The following PLEKHM3 variants were observed in gnomAD, a reference collection of about 807,000 sequenced individuals.
The protein encoded by PLEKHM3 is pleckstrin homology domain-containing family M member 3.
A neutral mutation model predicts 81.8 loss-of-function variants in PLEKHM3; 45 were observed. That is an observed-to-expected ratio of 0.55 (90% CI 0.43 to 0.71). The LOEUF is 0.71. Ranked by LOEUF, PLEKHM3 falls within the 30% of genes least tolerant of loss-of-function variation. The pLI, the probability that PLEKHM3 is intolerant of heterozygous loss-of-function variation, is 0.00. For missense variants in PLEKHM3, 788 were observed against 924.3 expected (o/e 0.85, Z 1.91); for synonymous variants, 352 against 356.4 (o/e 0.99, Z 0.14).
chr2:207,834,512 A>C (rs1575264522), intron 7 of PLEKHM3, among the ~76,000 whole-genome samples: 2 of 140,498 alleles, frequency 1.4e-5, no homozygotes, highest in Admixed American at 7.4e-5. Flanking sequence ...CGCAACCTCC[A>C]CCTCCTGGGT....
chr2:207,896,541 C>CA (rs1688229316), intron 6 of PLEKHM3, among the ~76,000 whole-genome samples: 1 of 152,192 alleles, frequency 6.6e-6, no homozygotes, highest in Non-Finnish European at 1.5e-5. Context: ...CTGACTAAGA[C>CA]TTAATGGAAC....
rs1426301131 is a variant in PLEKHM3 at position 207,822,622 on chromosome 2, C to CCGA, written c.*5694_*5696dup. ...ACCATTCTACTTTAACGACGTGTTT[C>CCGA]CGACATGATTCCCTTTACTCCTGAG... On this transcript the variant is annotated 3_prime_UTR_variant, in exon 8 of 8. Coordinates refer to ENST00000427836, the MANE Select transcript of PLEKHM3 (RefSeq NM_001080475.3). 2 of 152,734 alleles carry CCGA rather than the reference C, an allele frequency of 1.3e-5. No homozygotes were observed. The highest frequency in any genetic ancestry group is 2.4e-5 in the African/African-American group (1 of 41,458). 9.5% of individuals were successfully genotyped at this position (152,734 alleles called of 1,614,324 possible).
intron 3 of PLEKHM3, among the ~76,000 whole-genome samples, chr2:207,961,841 C>G (rs987118472): frequency 5.3e-5 from 8 of 152,188 alleles, no homozygotes; most frequent in African/African-American, 1.9e-4. Flanking sequence ...AAGTAGCTGA[C>G]TGGAAATGAG....
chr2:207,831,783 C>T (rs557433816), intron 7 of PLEKHM3, among the ~76,000 whole-genome samples: 2 of 152,328 alleles, frequency 1.3e-5, no homozygotes, highest in East Asian at 3.9e-4. Flanking sequence ...TCTTCTAGAG[C>T]CTCTCTCATC....
chr2:207,859,053 T>C (rs2092452265), intron 7 of PLEKHM3, among the ~76,000 whole-genome samples: 2 of 152,064 alleles, frequency 1.3e-5, no homozygotes, highest in African/African-American at 4.8e-5. Flanking sequence ...ATGTAATATG[T>C]GCTTTGTGTC....
At chr2:208,024,724 G>A (rs1693263553) in intron 1 of PLEKHM3, among the ~76,000 whole-genome samples, 1 of 152,194 alleles carries the variant, frequency 6.6e-6, no homozygotes, top group Non-Finnish European at 1.5e-5. Context: ...GAAAAAAGAA[G>A]AGAGAAATAA....
chr2:207,960,378 G>A (rs1295542686), intron 3 of PLEKHM3, among the ~76,000 whole-genome samples: 6 of 152,166 alleles, frequency 3.9e-5, no homozygotes, highest in Admixed American at 3.9e-4. Context: ...TGTGATAAGA[G>A]GACATCACAG....
chr2:207,856,370 A>C (rs998541082), intron 7 of PLEKHM3, among the ~76,000 whole-genome samples: 3 of 152,180 alleles, frequency 2.0e-5, no homozygotes, highest in African/African-American at 2.4e-5. Flanking sequence ...GATGTATGAA[A>C]CCATAGATTC....
At chr2:207,931,181 A>T in intron 4 of PLEKHM3, 62 bp from the exon 5 acceptor site, 2 of 1,423,204 alleles carry the variant, frequency 1.4e-6, no homozygotes, top group East Asian at 4.9e-5. Flanking sequence ...ACCTGCTCAA[A>T]CTAGGAACCA....
intron 2 of PLEKHM3, among the ~76,000 whole-genome samples, chr2:207,983,371 C>T (rs1031276826): frequency 1.3e-5 from 2 of 152,096 alleles, no homozygotes; most frequent in African/African-American, 4.8e-5. Flanking sequence ...TTTTTTATGG[C>T]ATGGGGGATT....
chr2:207,893,959 T>C (rs913316686), intron 6 of PLEKHM3, among the ~76,000 whole-genome samples: 7 of 151,586 alleles, frequency 4.6e-5, no homozygotes, highest in African/African-American at 7.3e-5. Flanking sequence ...CTACTAAAAA[T>C]AAAAAAAATT....
chr2:207,977,656 CAGAT>C, intron 2 of PLEKHM3, 70 bp from the exon 3 acceptor site: 1 of 1,354,412 alleles, frequency 7.4e-7, no homozygotes, highest in Non-Finnish European at 1.0e-6. Context: ...AGAAACCACA[CAGAT>C]CAGGGCACAA....
intron 6 of PLEKHM3, among the ~76,000 whole-genome samples, chr2:207,904,741 G>A (rs1481657041): frequency 6.6e-6 from 1 of 152,182 alleles, no homozygotes; most frequent in Non-Finnish European, 1.5e-5. Context: ...TTCAAATAAT[G>A]AGAAGGGGGA....
intron 7 of PLEKHM3, chr2:207,851,238 A>C (rs1360114188): frequency 6.9e-6 from 1 of 144,668 alleles, no homozygotes; most frequent in African/African-American, 2.5e-5. Context: ...CTGTTTTTTT[A>C]GGATGTGGAA....
intron 1 of PLEKHM3, among the ~76,000 whole-genome samples, chr2:208,014,901 G>A (rs1350923834): frequency 6.6e-6 from 1 of 152,154 alleles, no homozygotes; most frequent in Non-Finnish European, 1.5e-5. Context: ...GCACTGCTAC[G>A]GCTATGCTAA....
intron 3 of PLEKHM3, among the ~76,000 whole-genome samples, chr2:207,961,507 G>A (rs1690731837): frequency 6.6e-6 from 1 of 152,180 alleles, no homozygotes; most frequent in Admixed American, 6.5e-5. Context: ...TCTGGAAGTG[G>A]TATATGGTAA....
At chr2:207,847,922 TTG>T (rs1442469866) in intron 7 of PLEKHM3, among the ~76,000 whole-genome samples, 1 of 152,200 alleles carries the variant, frequency 6.6e-6, no homozygotes, top group Non-Finnish European at 1.5e-5. Flanking sequence ...TTGTTCTCTA[TTG>T]TTGAACAGGA....
At chr2:207,889,466 C>CAG (rs1256650905) in intron 6 of PLEKHM3, among the ~76,000 whole-genome samples, 2 of 117,118 alleles carry the variant, frequency 1.7e-5, no homozygotes. Context: ...CACACACACA[C>CAG]ACACACACAC....
intron 7 of PLEKHM3, among the ~76,000 whole-genome samples, chr2:207,858,005 T>A (rs1027227305): frequency 2.6e-5 from 4 of 151,758 alleles, no homozygotes; most frequent in Non-Finnish European, 1.5e-5. Flanking sequence ...GCTGTTTTTT[T>A]ATATATTTTA....
Sources: gnomAD v4.1 joint callset for allele counts (sites outside exome capture counted in the v4.1 genomes callset) on GRCh38, gnomAD v4.1.1 for gene constraint, MANE v1.5 for transcripts, NCBI Gene and HGNC (gene_info 2026-07-23, HGNC 2026-07-21) for gene names.